Variants in SOX6 observed in about 807,000 individuals in gnomAD.
The protein encoded by SOX6 is transcription factor SOX-6.
A neutral mutation model predicts 97.8 loss-of-function variants in SOX6; 11 were observed. The observed-to-expected ratio is 0.11, with a 90% CI of 0.07 to 0.19. The LOEUF (loss-of-function observed/expected upper bound fraction) is 0.19. Ranked by LOEUF, SOX6 falls within the 10% of genes least tolerant of loss-of-function variation. The probability of loss-of-function intolerance (pLI) is 1.00; values close to 1 mark genes in which losing one functional copy is unlikely to be tolerated. For missense variants in SOX6, 810 were observed against 1,039.5 expected (o/e 0.78, Z 3.04); for synonymous variants, 360 against 371.4 (o/e 0.97, Z 0.35).
At chr11:16,564,246 T>C (rs934433036) in intron 4 of SOX6, among the ~76,000 whole-genome samples, 2 of 152,222 alleles carry the variant, frequency 1.3e-5, no homozygotes, top group East Asian at 1.9e-4. Flanking sequence ...TTCTAAATTA[T>C]GTTTGATGGT....
chr11:16,381,815 C>T (rs1752039442), intron 1 of SOX6, among the ~76,000 whole-genome samples: 1 of 151,912 alleles, frequency 6.6e-6, no homozygotes, highest in Non-Finnish European at 1.5e-5. Context: ...CACACATACA[C>T]ACACAGGCAG....
intron 1 of SOX6, among the ~76,000 whole-genome samples, chr11:16,354,485 A>C (rs1416308220): frequency 6.6e-6 from 1 of 151,990 alleles, no homozygotes; most frequent in African/African-American, 2.4e-5. Flanking sequence ...ACAGGGTAAA[A>C]ATATATTGTT....
At chr11:15,992,788 T>C (rs1045113888) in intron 13 of SOX6, among the ~76,000 whole-genome samples, 2 of 152,214 alleles carry the variant, frequency 1.3e-5, no homozygotes, top group African/African-American at 4.8e-5. Flanking sequence ...ATATAAGGCT[T>C]ATATGGAACT....
intron 1 of SOX6, among the ~76,000 whole-genome samples, chr11:16,426,930 A>AAC (rs1859152321): frequency 6.7e-6 from 1 of 149,530 alleles, no homozygotes; most frequent in African/African-American, 2.4e-5. Flanking sequence ...AAAAAAAAAA[A>AAC]AAAAAACTGG....
At chr11:16,549,971 A>C (rs750400951) in intron 4 of SOX6, among the ~76,000 whole-genome samples, 1 of 152,312 alleles carries the variant, frequency 6.6e-6, no homozygotes, top group African/African-American at 2.4e-5. Context: ...GGGCATGGAA[A>C]GCCTTTGGAG....
intron 3 of SOX6, among the ~76,000 whole-genome samples, chr11:16,236,736 C>T (rs1371002505): frequency 6.6e-6 from 1 of 151,910 alleles, no homozygotes; most frequent in Non-Finnish European, 1.5e-5. Context: ...ATATGTCTCT[C>T]ATTTCTATAA....
rs563360513 is a variant in SOX6 at position 16,151,853 on chromosome 11, C to G, written c.777+32033G>C. Among the ~76,000 whole-genome samples, 9 of 152,244 alleles carry G rather than the reference C, an allele frequency of 5.9e-5. No individual in the cohort carries two copies. The East Asian group carries it at 1.7e-3, about 29-fold the overall frequency. On this transcript the variant is annotated intron_variant, in intron 6 of 15. Transcript: ENST00000683767. ...AAACTTAAAATGAAGGTACAAAGAA[C>G]ACATACATAACCAACTGCAACTGCT...
At chr11:16,620,100 A>T (rs913399306) in intron 3 of SOX6, among the ~76,000 whole-genome samples, 4 of 152,180 alleles carry the variant, frequency 2.6e-5, no homozygotes, top group Admixed American at 6.6e-5. Flanking sequence ...TAGCTAAAAG[A>T]TTGTTAAAAA....
intron 1 of SOX6, among the ~76,000 whole-genome samples, chr11:16,428,738 A>G (rs530915279): frequency 1.3e-5 from 2 of 152,224 alleles, no homozygotes; most frequent in African/African-American, 2.4e-5. Flanking sequence ...GCCTTGTAGT[A>G]TAGTTTGAAG....
intron 4 of SOX6, among the ~76,000 whole-genome samples, chr11:16,511,404 T>C (rs1219063871): frequency 6.6e-6 from 1 of 152,186 alleles, no homozygotes; most frequent in East Asian, 1.9e-4. Context: ...TTAAACCAAT[T>C]TTTTTAAGCA....
chr11:16,205,881 T>TGTAATATGAGAG, intron 4 of SOX6, among the ~76,000 whole-genome samples: 1 of 152,124 alleles, frequency 6.6e-6, no homozygotes, highest in East Asian at 1.9e-4. Flanking sequence ...TTTACCTGCC[T>TGTAATATGAGAG]GTAATATGAG....
At chr11:16,679,951 G>T (rs1197350841) in intron 3 of SOX6, among the ~76,000 whole-genome samples, 7 of 152,156 alleles carry the variant, frequency 4.6e-5, no homozygotes, top group Non-Finnish European at 8.8e-5. Flanking sequence ...CAAGAAATAT[G>T]GGACTATCTG....
intron 10 of SOX6, among the ~76,000 whole-genome samples, chr11:16,055,528 G>A (rs1033090158): frequency 6.6e-6 from 1 of 152,144 alleles, no homozygotes; most frequent in Non-Finnish European, 1.5e-5. Context: ...CTCTCGAGAA[G>A]TGAGTTTGCA....
upstream of SOX6, among the ~76,000 whole-genome samples, chr11:16,357,363 A>G (rs189578135): frequency 4.6e-5 from 7 of 152,214 alleles, no homozygotes; most frequent in African/African-American, 1.7e-4. Context: ...TAGAAATACG[A>G]TTTCTGTGCG....
intron 6 of SOX6, among the ~76,000 whole-genome samples, chr11:16,134,883 A>G (rs986423559): frequency 1.3e-5 from 2 of 152,208 alleles, no homozygotes; most frequent in Admixed American, 6.5e-5. Context: ...AGAGTCACAC[A>G]TCTAGAACTT....
At chr11:16,168,196 T>A (rs1317003692) in intron 6 of SOX6, among the ~76,000 whole-genome samples, 1 of 152,136 alleles carries the variant, frequency 6.6e-6, no homozygotes, top group Non-Finnish European at 1.5e-5. Flanking sequence ...TCTAATGTGA[T>A]AAGAGGTATT....
In SOX6 at chr11:16,046,620, A is replaced by G; in HGVS notation, c.1517T>C (p.Met506Thr). ...VMKAIQEARK[M>T]REQIQREQQQ... Reference sequence around the variant, plus strand: ...TTGCTCCCGCTGGATCTGCTCTCGCATCTTCCGCGCCTCCTGAATGGCTTT... The same window carrying G: ...TTGCTCCCGCTGGATCTGCTCTCGCGTCTTCCGCGCCTCCTGAATGGCTTT... Residue 506 changes from methionine to threonine, a missense_variant, in exon 12 of 16, where the codon ATG becomes ACG. This residue lies in a region of SOX6 where 120 missense variants were observed against 127.0 expected (regional missense o/e 0.94). Transcript: ENST00000683767. The G allele has an allele frequency of 6.2e-7, 1 of 1,613,782 alleles. No individual in the cohort carries two copies. The highest frequency in any genetic ancestry group is 8.5e-7 in the Non-Finnish European group (1 of 1,179,814).
intron 7 of SOX6, among the ~76,000 whole-genome samples, chr11:16,103,526 C>A (rs1849001570): frequency 6.6e-6 from 1 of 151,718 alleles, no homozygotes; most frequent in Non-Finnish European, 1.5e-5. Flanking sequence ...AGGTATCTAC[C>A]CAGAGGAAAA....
chr11:16,504,337 A>C (rs2133146108), intron 4 of SOX6, among the ~76,000 whole-genome samples: 1 of 152,248 alleles, frequency 6.6e-6, no homozygotes, highest in Admixed American at 6.5e-5. Context: ...TTACATCTAG[A>C]AAAATCTTAA....
Sources: allele counts gnomAD v4.1 joint callset (sites outside exome capture counted in the v4.1 genomes callset), GRCh38; gene constraint gnomAD v4.1.1; regional missense constraint gnomAD v4.1.1; transcripts MANE v1.5; gene names NCBI Gene and HGNC (gene_info 2026-07-23, HGNC 2026-07-21).